CD226: variants seen among roughly 807,000 people sequenced by gnomAD.
The protein encoded by CD226 is CD226 molecule, also known as CD226 antigen.
Under a neutral mutation model 34.9 loss-of-function variants are expected in CD226, and 24 were observed. The ratio of observed to expected loss-of-function variants is 0.69; its 90% CI spans 0.50 to 0.97. The LOEUF is 0.97. Ranked by LOEUF, CD226 falls within the 50% of genes least tolerant of loss-of-function variation. The pLI is 0.00. For synonymous variants in CD226, 148 were observed against 147.4 expected, an observed-to-expected ratio of 1.00 and a Z score of -0.03; for missense variants, 397 against 412.7, an observed-to-expected ratio of 0.96 and a Z score of 0.33.
At chr18:69,873,808 T>C (rs1983696816) in intron 3 of CD226, among the ~76,000 whole-genome samples, 1 of 152,122 alleles carries the variant, frequency 6.6e-6, no homozygotes, top group Non-Finnish European at 1.5e-5. Flanking sequence ...GAGGCGGAGC[T>C]TGCAGTGAGC....
chr18:69,913,864 G>A (rs1599003731), intron 2 of CD226, among the ~76,000 whole-genome samples: 1 of 152,142 alleles, frequency 6.6e-6, no homozygotes, highest in East Asian at 1.9e-4. Context: ...GAGAATTATA[G>A]ACAACCTCAC....
intron 2 of CD226, among the ~76,000 whole-genome samples, chr18:69,904,366 C>A (rs564745250): frequency 6.6e-6 from 1 of 152,228 alleles, no homozygotes; most frequent in South Asian, 2.1e-4. Context: ...CAATGCAGGC[C>A]CCGGCAGCTT....
intron 2 of CD226, among the ~76,000 whole-genome samples, chr18:69,925,491 T>C (rs562110246): frequency 6.3e-4 from 96 of 152,174 alleles, no homozygotes; most frequent in Non-Finnish European, 1.2e-3. Flanking sequence ...CAAAACCATA[T>C]TCCCCTCTCC....
intron 3 of CD226, among the ~76,000 whole-genome samples, chr18:69,887,514 T>A (rs1984629300): frequency 1.3e-5 from 2 of 152,260 alleles, no homozygotes; most frequent in African/African-American, 4.8e-5. Context: ...CACCCTTTGT[T>A]AATGAAATCT....
chr18:69,877,138 G>A (rs1389347893), intron 3 of CD226, among the ~76,000 whole-genome samples: 2 of 151,988 alleles, frequency 1.3e-5, no homozygotes, highest in Non-Finnish European at 2.9e-5. Context: ...TGCTGGGATT[G>A]CAGGCGTGAG....
In CD226 at chr18:69,860,673, T is replaced by G. The variant is rs1361627843; in HGVS notation, c.*3641A>C. On this transcript the variant is annotated 3_prime_UTR_variant, in exon 6 of 6. Coordinates refer to ENST00000582621, the MANE Select transcript of CD226 (RefSeq NM_001303618.2). ...AGAGTCTTGGCTGGAAGAACTCTAA[T>G]GAACAGATCAGTGAAAAAATATACT... 1.3e-5 allele frequency: 2 copies of G among 152,052 alleles called. No individual in the cohort carries two copies. The highest frequency in any genetic ancestry group is 2.9e-5 in the Non-Finnish European group (2 of 67,998). The allele number at this position is 152,052 out of a possible 1,614,324, so 9.4% of individuals were successfully genotyped here. A position where few individuals can be genotyped will look rare whatever the true frequency, so the allele number is the denominator to read the frequency against.
intron 2 of CD226, among the ~76,000 whole-genome samples, chr18:69,937,133 T>C (rs909993907): frequency 6.6e-5 from 10 of 152,244 alleles, no homozygotes; most frequent in Non-Finnish European, 1.5e-4. Flanking sequence ...CTGGCTTCCC[T>C]TGCCTTTTGA....
intron 2 of CD226, among the ~76,000 whole-genome samples, chr18:69,915,002 G>A (rs948699681): frequency 6.6e-6 from 1 of 152,142 alleles, no homozygotes; most frequent in South Asian, 2.1e-4. Flanking sequence ...AAACAGTATC[G>A]TTAATGATTG....
rs369337506 is a variant in CD226 at position 69,854,052 on chromosome 18, A to G, written c.*10262T>C. Reference sequence around the variant, plus strand: ...GTCAGAAACCACGATAACAAAAAACATATGTGTTAAAATGTTTATACATGG... The same window carrying G: ...GTCAGAAACCACGATAACAAAAAACGTATGTGTTAAAATGTTTATACATGG... On this transcript the variant is annotated 3_prime_UTR_variant, in exon 6 of 6. Coordinates refer to ENST00000582621, the MANE Select transcript of CD226 (RefSeq NM_001303618.2). The G allele has an allele frequency of 2.6e-5, 4 of 152,324 alleles. No individual in the cohort carries two copies. Among genetic ancestry groups the G allele is most frequent in the East Asian group, 3.9e-4 (2 of 5,184 alleles). 9.4% of individuals were successfully genotyped at this position (152,324 alleles called of 1,614,324 possible).
intron 2 of CD226, among the ~76,000 whole-genome samples, chr18:69,906,370 T>C (rs1339634254): frequency 6.6e-6 from 1 of 152,234 alleles, no homozygotes; most frequent in Non-Finnish European, 1.5e-5. Context: ...AACAGTGTGA[T>C]TCCTATCCAA....
rs539125414 is a variant in CD226 at position 69,900,581 on chromosome 18, A to C, written c.383-4536T>G. On this transcript the variant is annotated intron_variant, in intron 2 of 5. Transcript: ENST00000582621. Reference sequence around the variant, plus strand: ...CCCCGTCTCTACTAAAAATACAAAAAATTAGCCGGGCGCGGTGGCGGGCGC... The same window carrying C: ...CCCCGTCTCTACTAAAAATACAAAACATTAGCCGGGCGCGGTGGCGGGCGC... 1.2e-3 allele frequency among the ~76,000 whole-genome samples: 173 copies of C among 150,344 alleles called. 1 individual carries two copies. Among genetic ancestry groups the C allele is most frequent in the South Asian group, 3.0e-3 (14 of 4,706 alleles).
chr18:69,908,751 A>C (rs2055287213), intron 2 of CD226, among the ~76,000 whole-genome samples: 1 of 152,178 alleles, frequency 6.6e-6, no homozygotes, highest in Non-Finnish European at 1.5e-5. Flanking sequence ...TCTTTAGCAA[A>C]ATCCTATATG....
At chr18:69,904,122 A>C (rs956600969) in intron 2 of CD226, among the ~76,000 whole-genome samples, 2 of 152,330 alleles carry the variant, frequency 1.3e-5, no homozygotes, top group East Asian at 1.9e-4. Flanking sequence ...AGGCACAGAT[A>C]AAGTGGGAAG....
At chr18:69,880,257 G>A (rs562574563) in intron 3 of CD226, among the ~76,000 whole-genome samples, 34 of 145,602 alleles carry the variant, frequency 2.3e-4, no homozygotes, top group Middle Eastern at 7.1e-3. Flanking sequence ...TAAGGAAGGC[G>A]GAAAGAAGGA....
At chr18:69,960,110 C>T (rs1327388839), upstream of CD226, among the ~76,000 whole-genome samples, 3 of 151,948 alleles carry the variant, frequency 2.0e-5, no homozygotes, top group Non-Finnish European at 4.4e-5. Flanking sequence ...TGTGGTGGTG[C>T]ACGTCTGTAA....
chr18:69,867,418 T>C lies in CD226; in HGVS notation c.831-7A>G. The C allele has an allele frequency of 1.3e-6, 2 of 1,521,498 alleles. No individual in the cohort carries two copies. The highest frequency in any genetic ancestry group is 1.8e-6 in the Non-Finnish European group (2 of 1,095,744). 94.2% of individuals were successfully genotyped at this position (1,521,498 alleles called of 1,614,324 possible). ...TCTCTCTCTCCTTCTCCTTCTGGAATGCATATTCAATAAAGGATATAAAGA... is the reference window on the plus strand; with the variant it reads ...TCTCTCTCTCCTTCTCCTTCTGGAACGCATATTCAATAAAGGATATAAAGA... On this transcript the variant is annotated splice_region_variant and splice_polypyrimidine_tract_variant and intron_variant, in intron 4 of 5. Transcript: ENST00000582621.
At chr18:69,946,681 A>C (rs1375878233) in intron 2 of CD226, 53 bp downstream of exon 2, 1 of 1,193,610 alleles carries the variant, frequency 8.4e-7, no homozygotes, top group Middle Eastern at 2.0e-4. Context: ...TATAGAAATA[A>C]ATGTTGTAAG....
rs33978545 is a variant in CD226, at chr18:69,880,653, C to CTTT, written c.728-7410_728-7408dup. On this transcript the variant is annotated intron_variant, in intron 3 of 5. Transcript: ENST00000582621. Reference sequence around the variant, plus strand: ...ACGAGGGGAATAAGTCTTAAGATTTCTTTTTTTTTTTTTTTTGAGACAGAG... The same window carrying CTTT: ...ACGAGGGGAATAAGTCTTAAGATTTCTTTTTTTTTTTTTTTTTTTGAGACAGAG... 1.3e-3 allele frequency among the ~76,000 whole-genome samples: 180 copies of CTTT among 138,286 alleles called. 5 individuals carry two copies. The highest frequency in any genetic ancestry group is 4.3e-3 in the East Asian group (20 of 4,668). 90.7% of individuals were successfully genotyped at this position (138,286 alleles called of 152,430 possible). A position where few individuals can be genotyped will look rare whatever the true frequency, so the allele number is the denominator to read the frequency against.
chr18:69,934,529 C>T (rs1169300479), intron 2 of CD226, among the ~76,000 whole-genome samples: 1 of 152,196 alleles, frequency 6.6e-6, no homozygotes, highest in Non-Finnish European at 1.5e-5. Flanking sequence ...ACGGTCACCA[C>T]TGTGTGCAGA....
Sources: gnomAD v4.1 joint callset for allele counts (sites outside exome capture counted in the v4.1 genomes callset) on GRCh38, gnomAD v4.1.1 for gene constraint, MANE v1.5 for transcripts, NCBI Gene and HGNC (gene_info 2026-07-23, HGNC 2026-07-21) for gene names.